Variants in TNR observed in about 807,000 individuals in gnomAD.
The protein encoded by TNR is tenascin R.
TNR carries 45 observed loss-of-function variants against 150.4 expected under a neutral mutation model. That is an observed-to-expected ratio of 0.30 (90% confidence interval 0.24 to 0.38). The LOEUF (loss-of-function observed/expected upper bound fraction) is 0.38, where lower values mean the gene tolerates loss of function less well. TNR is among the 10% of genes least tolerant of loss of function. The pLI, the probability that TNR is intolerant of heterozygous loss-of-function variation, is 1.00. For synonymous variants in TNR, 687 were observed against 678.4 expected (o/e 1.01, Z -0.20); for missense variants, 1,544 against 1,759.1 (o/e 0.88, Z 2.19).
At chr1:175,427,607 TTA>T (rs1156901867) in intron 2 of TNR, among the ~76,000 whole-genome samples, 1 of 152,156 alleles carries the variant, frequency 6.6e-6, no homozygotes, top group African/African-American at 2.4e-5. Flanking sequence ...TTATTTTTTA[TTA>T]TTTTTTATTT....
chr1:175,496,080 T>C (rs1453215909), intron 2 of TNR, among the ~76,000 whole-genome samples: 1 of 152,188 alleles, frequency 6.6e-6, no homozygotes, highest in Non-Finnish European at 1.5e-5. Flanking sequence ...AGTCTTTGCA[T>C]TGTTTCTCTA....
chr1:175,517,063 G>A (rs865979140), intron 2 of TNR, among the ~76,000 whole-genome samples: 3 of 146,508 alleles, frequency 2.0e-5, no homozygotes, highest in African/African-American at 8.1e-5. Flanking sequence ...GAGAGAAAGA[G>A]AGAGAGACCT....
Position 175,379,669 on chromosome 1 carries a change from T to C in TNR, c.1846A>G (p.Asn616Asp). 6.2e-7 allele frequency: 1 copy of C among 1,614,190 alleles called. No homozygotes were observed. The highest frequency in any genetic ancestry group is 8.5e-7 in the Non-Finnish European group (1 of 1,180,018). The change falls in exon 9 of 23, where the codon AAC becomes GAC. Residue 616 changes from asparagine (N) to aspartate (D), a missense_variant. Physicochemically the swap from Asn to Asp is conservative, Grantham distance 23. Transcript: ENST00000367674. ...TATSLDLEWD[N>D]SEAEVQEYKV... ...TACTCCTGAACTTCGGCTTCACTGT[T>C]ATCCCACTCGAGGTCAAGGCTGGTT...
chr1:175,671,910 C>CGTGT (rs1558065420), intron 1 of TNR, among the ~76,000 whole-genome samples: 3 of 100,892 alleles, frequency 3.0e-5, no homozygotes, highest in African/African-American at 1.3e-4. Context: ...ATGAGCTGTA[C>CGTGT]CTGTGTGTGT....
At chr1:175,353,931 T>C (rs1285181491) in intron 18 of TNR, among the ~76,000 whole-genome samples, 4 of 151,870 alleles carry the variant, frequency 2.6e-5, no homozygotes, top group Non-Finnish European at 5.9e-5. Context: ...CTGCAACCTC[T>C]GCTTCCTAGG....
intron 1 of TNR, among the ~76,000 whole-genome samples, chr1:175,536,426 G>C (rs1390023256): frequency 1.3e-5 from 2 of 152,216 alleles, no homozygotes; most frequent in African/African-American, 4.8e-5. Flanking sequence ...CTCACAAAGA[G>C]TTAAGAAGGA....
At chr1:175,696,222 T>G (rs12029580) in intron 1 of TNR, among the ~76,000 whole-genome samples, 202 of 50,516 alleles carry the variant, frequency 4.0e-3, no homozygotes, top group East Asian at 9.8e-3. Flanking sequence ...CTGTAGTTTT[T>G]TTTTTTTTTT....
intron 2 of TNR, among the ~76,000 whole-genome samples, chr1:175,421,257 G>A (rs552677348): frequency 1.3e-5 from 2 of 152,310 alleles, no homozygotes; most frequent in South Asian, 4.2e-4. Flanking sequence ...GGATCACCAG[G>A]CCCCATGAGG....
chr1:175,591,344 A>G (rs1662790542), intron 1 of TNR, among the ~76,000 whole-genome samples: 1 of 151,894 alleles, frequency 6.6e-6, no homozygotes, highest in Non-Finnish European at 1.5e-5. Context: ...GCAGAAATGA[A>G]CCCCTCCCAG....
chr1:175,394,598 T>G (rs1653335666), intron 5 of TNR, among the ~76,000 whole-genome samples: 2 of 152,220 alleles, frequency 1.3e-5, no homozygotes, highest in African/African-American at 4.8e-5. Context: ...CTAATGGAGT[T>G]TCAATTATCA....
At chr1:175,393,555 G>T (rs1653277323) in intron 6 of TNR, among the ~76,000 whole-genome samples, 1 of 152,140 alleles carries the variant, frequency 6.6e-6, no homozygotes, top group Non-Finnish European at 1.5e-5. Context: ...CCTCTGTTCT[G>T]CAAGGCCAGG....
intron 1 of TNR, among the ~76,000 whole-genome samples, chr1:175,643,093 CAA>C (rs1315209705): frequency 6.6e-6 from 1 of 152,130 alleles, no homozygotes; most frequent in African/African-American, 2.4e-5. Flanking sequence ...GTGAAGGAAA[CAA>C]TGATGTTTCT....
intron 2 of TNR, among the ~76,000 whole-genome samples, chr1:175,442,491 A>G (rs1655838156): frequency 1.3e-5 from 2 of 149,406 alleles, no homozygotes; most frequent in South Asian, 4.1e-4. Context: ...TGACTGGATT[A>G]TTGGAAGATT....
chr1:175,464,294 G>C (rs1256530698), intron 2 of TNR, among the ~76,000 whole-genome samples: 1 of 152,162 alleles, frequency 6.6e-6, no homozygotes, highest in African/African-American at 2.4e-5. Flanking sequence ...TGTCCTAGGA[G>C]CCCCAGGGCT....
intron 1 of TNR, among the ~76,000 whole-genome samples, chr1:175,548,113 AG>A (rs1660784170): frequency 6.6e-6 from 1 of 152,194 alleles, no homozygotes; most frequent in Admixed American, 6.5e-5. Context: ...ATGGTGGACC[AG>A]GTGGACCATG....
At chr1:175,356,215 C>T (rs758277008) in intron 16 of TNR, 104 bp downstream of exon 16, 26 of 1,465,136 alleles carry the variant, frequency 1.8e-5, no homozygotes, top group Non-Finnish European at 2.3e-5. Context: ...CTCATAGCTG[C>T]CCTGTCCAAA....
At chr1:175,533,870 G>T (rs1233284832) in intron 1 of TNR, among the ~76,000 whole-genome samples, 1 of 152,068 alleles carries the variant, frequency 6.6e-6, no homozygotes, top group Admixed American at 6.5e-5. Flanking sequence ...AGCTTGGTGT[G>T]CTACCATGGG....
chr1:175,691,370 G>C (rs1005773047), intron 1 of TNR, among the ~76,000 whole-genome samples: 4 of 152,218 alleles, frequency 2.6e-5, no homozygotes, highest in African/African-American at 7.2e-5. Flanking sequence ...AACTTATTAT[G>C]TGACAGGCAC....
chr1:175,438,270 A>G (rs1171904011), intron 2 of TNR, among the ~76,000 whole-genome samples: 1 of 152,232 alleles, frequency 6.6e-6, no homozygotes, highest in Admixed American at 6.5e-5. Flanking sequence ...AGAACCAAAG[A>G]CAAAAACCAC....
Sources: allele counts gnomAD v4.1 joint callset (sites outside exome capture counted in the v4.1 genomes callset), GRCh38; gene constraint gnomAD v4.1.1; transcripts MANE v1.5; gene names NCBI Gene and HGNC (gene_info 2026-07-23, HGNC 2026-07-21).